Variants in PSME4 observed in about 807,000 individuals in gnomAD.
PSME4 encodes the protein proteasome activator complex subunit 4.
A neutral mutation model predicts 253.9 loss-of-function variants in PSME4; 89 were observed. That is an observed-to-expected ratio of 0.35 (90% CI 0.30 to 0.42). PSME4 has a LOEUF of 0.42. Among genes scored for constraint, PSME4 ranks in the 10% least tolerant of loss-of-function variants. The pLI is 1.00. For synonymous variants in PSME4, 851 were observed against 759.2 expected (o/e 1.12, Z -1.99); for missense variants, 2,014 against 2,195.2 (o/e 0.92, Z 1.65).
At chr2:53,880,300 A>G (rs1406363174) in intron 41 of PSME4, among the ~76,000 whole-genome samples, 6 of 152,162 alleles carry the variant, frequency 3.9e-5, no homozygotes, top group African/African-American at 1.2e-4. Flanking sequence ...TCTACAAAAA[A>G]TAAAATTAGC....
At chr2:53,879,903 G>A (rs1356172378) in intron 41 of PSME4, among the ~76,000 whole-genome samples, 2 of 151,644 alleles carry the variant, frequency 1.3e-5, no homozygotes, top group African/African-American at 4.8e-5. Context: ...TCCCTGGCAT[G>A]TGACCAAAAT....
intron 43 of PSME4, 75 bp downstream of exon 43, chr2:53,874,264 A>G (rs1443701949): frequency 2.6e-5 from 38 of 1,434,460 alleles, no homozygotes; most frequent in Non-Finnish European, 3.4e-5. Context: ...CTGGCCGCAA[A>G]TACTTATTAA....
At chr2:53,937,637 AAT>A (rs1367391070) in intron 4 of PSME4, 97 bp from the exon 5 acceptor site, 12 of 1,110,380 alleles carry the variant, frequency 1.1e-5, no homozygotes, top group African/African-American at 3.2e-5. Context: ...GGAGGAGGAG[AAT>A]ATATGTCATA....
chr2:53,936,897 CT>C, intron 5 of PSME4, 70 bp from the exon 6 acceptor site: 4 of 1,048,658 alleles, frequency 3.8e-6, no homozygotes, highest in Non-Finnish European at 4.2e-6. Flanking sequence ...TATGCTTTGT[CT>C]TTTTTATAAT....
chr2:53,910,191 A>G (rs904012575), intron 20 of PSME4, 61 bp from the exon 21 acceptor site: 2 of 1,367,370 alleles, frequency 1.5e-6, no homozygotes, highest in African/African-American at 1.4e-5. Context: ...ATTAAAGGGA[A>G]AAGTTTCATT....
chr2:53,926,150 C>T, intron 12 of PSME4, 127 bp from the exon 13 acceptor site: 1 of 673,024 alleles, frequency 1.5e-6, no homozygotes, highest in Non-Finnish European at 2.6e-6. Flanking sequence ...CTATGAGAAA[C>T]AGCACCATGC....
Position 53,931,886 on chromosome 2 carries a change from T to C in PSME4, c.1265A>G (p.Gln422Arg), listed in dbSNP as rs1484135427. The stretch of plus-strand genomic sequence containing the variant: ...TTCAGGTCTCATGAGTGCAAGATTC[T>C]GCAAAGCCTGGGCTGCTTCTAGACT... ...TGSLEAAQAL[Q>R]NLALMRPELV... The change falls in exon 10 of 47, where the codon CAG (glutamine) becomes CGG (arginine). Residue 422 changes from glutamine to arginine, a missense_variant. By Grantham distance (43) the Gln-to-Arg change is conservative (BLOSUM62 1). Transcript: ENST00000404125. 1 of 1,614,102 alleles carries C rather than the reference T, an allele frequency of 6.2e-7. No homozygotes were observed. The highest frequency in any genetic ancestry group is 8.5e-7 in the Non-Finnish European group (1 of 1,180,040).
At chr2:53,909,728 G>A (rs1667741362) in intron 21 of PSME4, among the ~76,000 whole-genome samples, 2 of 152,164 alleles carry the variant, frequency 1.3e-5, no homozygotes, top group African/African-American at 2.4e-5. Context: ...CTGGGAAGCG[G>A]AGGTGGGTAG....
chr2:53,884,757 T>C (rs771292212), intron 41 of PSME4, among the ~76,000 whole-genome samples: 60 of 152,190 alleles, frequency 3.9e-4, no homozygotes, highest in Admixed American at 4.6e-4. Context: ...CAAAGACCTA[T>C]AGGTAAGAAG....
chr2:53,916,593 T>C (rs939965363), intron 20 of PSME4, among the ~76,000 whole-genome samples: 2 of 152,194 alleles, frequency 1.3e-5, no homozygotes, highest in Admixed American at 6.5e-5. Flanking sequence ...CACAGAACAA[T>C]GGGACCATTT....
At position 53,908,927 on chromosome 2, in the gene PSME4, G is replaced by A. The variant is rs964357872; in HGVS notation, c.2573-87C>T. The A allele has an allele frequency of 5.0e-6, 5 of 1,004,418 alleles. No homozygotes were observed. The Admixed American group carries it at 1.1e-4, about 22-fold the overall frequency. The allele number at this position is 1,004,418 out of a possible 1,614,324, so 62.2% of individuals were successfully genotyped here. On this transcript the variant is annotated intron_variant, in intron 21 of 46. Transcript: ENST00000404125. ...TTATATCAACAGGTTAGGTCAAGGAGGGATAAAGTATTGGAGAAAAAAATA... is the reference window on the plus strand; with the variant it reads ...TTATATCAACAGGTTAGGTCAAGGAAGGATAAAGTATTGGAGAAAAAAATA...
chr2:53,886,823 G>C (rs1417567109), intron 40 of PSME4, among the ~76,000 whole-genome samples: 1 of 151,632 alleles, frequency 6.6e-6, no homozygotes, highest in Non-Finnish European at 1.5e-5. Context: ...ACAGATGAAT[G>C]GGTAACAGAT....
chr2:53,920,079 A>G, intron 19 of PSME4, 114 bp downstream of exon 19: 2 of 908,228 alleles, frequency 2.2e-6, no homozygotes, highest in South Asian at 2.6e-5. Flanking sequence ...GTACATGTAT[A>G]GCAGATTTTC....
Position 53,936,047 on chromosome 2 carries a change from C to A in PSME4, c.834+40G>T, listed in dbSNP as rs768319903. The A allele has an allele frequency of 1.9e-6, 3 of 1,601,610 alleles. No individual in the cohort carries two copies. In the Admixed American group the frequency reaches 5.1e-5, roughly 27 times the overall value. ...CAGCTGGGATTACAGGCGCCTACCA[C>A]CCCATGCCTGATAATTTTTTTCCCC... is the stretch of plus-strand genomic sequence containing the variant. On this transcript the variant is annotated intron_variant, in intron 7 of 46. Transcript: ENST00000404125.
At chr2:53,891,552 A>AT (rs111453700) in intron 36 of PSME4, among the ~76,000 whole-genome samples, 16,519 of 150,794 alleles carry the variant, frequency 0.11, 1,401 homozygotes, top group African/African-American at 0.24. Context: ...AAAATTTTGA[A>AT]TTTTTTTTTT....
intron 26 of PSME4, among the ~76,000 whole-genome samples, chr2:53,905,991 G>C (rs1359262447): frequency 6.6e-6 from 1 of 152,122 alleles, no homozygotes. Context: ...TCATGTTGGT[G>C]CTCAAAAAGT....
chr2:53,866,679 T>C (rs754553520), intron 45 of PSME4, 68 bp downstream of exon 45: 1 of 1,511,246 alleles, frequency 6.6e-7, no homozygotes, highest in Non-Finnish European at 9.0e-7. Context: ...GTATAGGAAA[T>C]TATTATTATG....
intron 1 of PSME4, among the ~76,000 whole-genome samples, chr2:53,950,752 A>G (rs1250001762): frequency 6.6e-6 from 1 of 151,804 alleles, no homozygotes; most frequent in African/African-American, 2.4e-5. Context: ...GAGGCAGGAG[A>G]ATTGCTTGAA....
At chr2:53,937,807 G>C (rs1054576493) in intron 4 of PSME4, among the ~76,000 whole-genome samples, 1 of 152,060 alleles carries the variant, frequency 6.6e-6, no homozygotes, top group African/African-American at 2.4e-5. Context: ...AGATTGGCTT[G>C]GGCAAAATGG....
Sources: gnomAD v4.1 joint callset for allele counts (sites outside exome capture counted in the v4.1 genomes callset) on GRCh38, gnomAD v4.1.1 for gene constraint, MANE v1.5 for transcripts, NCBI Gene and HGNC (gene_info 2026-07-23, HGNC 2026-07-21) for gene names.